CERKL: variants seen among roughly 807,000 people sequenced by gnomAD.
CERKL encodes the protein CERK like autophagy regulator.
CERKL carries 61 observed loss-of-function variants against 63.4 expected under a neutral mutation model. That is an observed-to-expected ratio of 0.96 (90% CI 0.78 to 1.19). The LOEUF is 1.19. Among genes scored for constraint, CERKL ranks in the 50% most tolerant of loss-of-function variants. The pLI is 0.00. For synonymous variants in CERKL, 250 were observed against 230.5 expected, an observed-to-expected ratio of 1.08 and a Z score of -0.77; for missense variants, 675 against 655.5, an observed-to-expected ratio of 1.03 and a Z score of -0.33.
intron 2 of CERKL, among the ~76,000 whole-genome samples, chr2:181,582,525 A>G (rs1392946716): frequency 6.7e-6 from 1 of 149,638 alleles, no homozygotes; most frequent in Non-Finnish European, 1.5e-5. Context: ...ACATATATAT[A>G]TATATATATA....
At chr2:181,563,528 G>C (rs1483855099) in intron 4 of CERKL, among the ~76,000 whole-genome samples, 1 of 151,416 alleles carries the variant, frequency 6.6e-6, no homozygotes, top group East Asian at 1.9e-4. Flanking sequence ...GTGTCAGACG[G>C]AGGTGCTTCA....
intron 2 of CERKL, 35 bp downstream of exon 2, chr2:181,603,802 T>A: frequency 6.2e-7 from 1 of 1,607,416 alleles, no homozygotes; most frequent in Non-Finnish European, 8.5e-7. Flanking sequence ...TCAAGGAAAC[T>A]GGGCTGATTA....
At chr2:181,611,630 A>G (rs898469661) in intron 1 of CERKL, among the ~76,000 whole-genome samples, 2 of 152,196 alleles carry the variant, frequency 1.3e-5, no homozygotes, top group Non-Finnish European at 1.5e-5. Flanking sequence ...GCCTCCAGTG[A>G]GCTGAGATCA....
At chr2:181,609,101 T>C (rs926298686) in intron 1 of CERKL, among the ~76,000 whole-genome samples, 1 of 152,140 alleles carries the variant, frequency 6.6e-6, no homozygotes, top group African/African-American at 2.4e-5. Flanking sequence ...GCCAGTATTC[T>C]CTTTATTTTC....
chr2:181,625,396 CT>C (rs1686647710), intron 1 of CERKL, among the ~76,000 whole-genome samples: 1 of 151,874 alleles, frequency 6.6e-6, no homozygotes, highest in Non-Finnish European at 1.5e-5. Context: ...GGACCAGGTG[CT>C]CTACAAAGAT....
At chr2:181,580,375 G>T (rs1381811612) in intron 2 of CERKL, among the ~76,000 whole-genome samples, 1 of 149,876 alleles carries the variant, frequency 6.7e-6, no homozygotes, top group Non-Finnish European at 1.5e-5. Flanking sequence ...TCTATACCTA[G>T]CCCTTTCCTT....
chr2:181,581,595 G>A (rs557261281), intron 2 of CERKL, among the ~76,000 whole-genome samples: 319 of 152,318 alleles, frequency 2.1e-3, no homozygotes, highest in African/African-American at 7.5e-3. Flanking sequence ...ATAAGGCCAT[G>A]TTATTGCTGA....
At chr2:181,539,859 G>GT (rs1687414603) in intron 11 of CERKL, among the ~76,000 whole-genome samples, 1 of 152,084 alleles carries the variant, frequency 6.6e-6, no homozygotes, top group Admixed American at 6.6e-5. Context: ...TTCAACTTGC[G>GT]TTTTTTCTTG....
At chr2:181,573,359 A>C (rs1688989844) in intron 3 of CERKL, among the ~76,000 whole-genome samples, 1 of 152,170 alleles carries the variant, frequency 6.6e-6, no homozygotes, top group Non-Finnish European at 1.5e-5. Flanking sequence ...GTCAGAACGA[A>C]AACAACCCAA....
intron 1 of CERKL, among the ~76,000 whole-genome samples, chr2:181,639,455 T>A (rs964604794): frequency 9.2e-5 from 14 of 152,318 alleles, no homozygotes; most frequent in African/African-American, 2.4e-4. Flanking sequence ...AAAAACTTGT[T>A]AAAAACTCCA....
At chr2:181,653,588 C>T (rs1688025195) in intron 1 of CERKL, among the ~76,000 whole-genome samples, 1 of 152,182 alleles carries the variant, frequency 6.6e-6, no homozygotes, top group Non-Finnish European at 1.5e-5. Flanking sequence ...AAATAAAGTC[C>T]TGTCAATTGT....
At chr2:181,646,964 G>A (rs1280866380) in intron 1 of CERKL, among the ~76,000 whole-genome samples, 1 of 152,174 alleles carries the variant, frequency 6.6e-6, no homozygotes. Flanking sequence ...AAGCAAGGTA[G>A]CAGCTAAAGA....
At chr2:181,547,758 C>T in intron 9 of CERKL, 32 bp from the exon 10 acceptor site, 2 of 1,613,486 alleles carry the variant, frequency 1.2e-6, no homozygotes, top group South Asian at 1.1e-5. Context: ...GGTTATTTTC[C>T]CTCACCAGAA....
intron 4 of CERKL, among the ~76,000 whole-genome samples, chr2:181,559,306 A>AT (rs1256591108): frequency 6.6e-6 from 1 of 152,170 alleles, no homozygotes; most frequent in Non-Finnish European, 1.5e-5. Flanking sequence ...CTACTAGTAT[A>AT]TTTTTTAAGA....
At chr2:181,634,243 A>G (rs999329644) in intron 1 of CERKL, among the ~76,000 whole-genome samples, 3 of 152,172 alleles carry the variant, frequency 2.0e-5, no homozygotes, top group African/African-American at 7.2e-5. Context: ...GTCAAATTCT[A>G]AAAAAGAAAC....
intron 4 of CERKL, among the ~76,000 whole-genome samples, chr2:181,564,810 T>C (rs2105830884): frequency 6.6e-6 from 1 of 152,296 alleles, no homozygotes; most frequent in African/African-American, 2.4e-5. Context: ...TTCAAATAGG[T>C]AGTTGGTATG....
intron 8 of CERKL, chr2:181,548,310 G>T (rs137944712): frequency 4.1e-4 from 225 of 552,744 alleles, no homozygotes; most frequent in Admixed American, 7.1e-4. Flanking sequence ...AAAAGAGAAC[G>T]GAAGGAGGGA....
chr2:181,608,098 G>A (rs1685795399), intron 1 of CERKL, among the ~76,000 whole-genome samples: 1 of 152,014 alleles, frequency 6.6e-6, no homozygotes, highest in African/African-American at 2.4e-5. Flanking sequence ...CTGAACTCCT[G>A]GGCTCAAGTG....
intron 2 of CERKL, chr2:181,603,123 AC>A (rs752179733): frequency 1.4e-5 from 4 of 283,668 alleles, no homozygotes; most frequent in Non-Finnish European, 7.8e-6. Flanking sequence ...AGAAAAAGCT[AC>A]TGTGAAATAG....
Sources: gnomAD v4.1 joint callset for allele counts (sites outside exome capture counted in the v4.1 genomes callset) on GRCh38, gnomAD v4.1.1 for gene constraint, MANE v1.5 for transcripts, NCBI Gene and HGNC (gene_info 2026-07-23, HGNC 2026-07-21) for gene names.